The following PDZRN4 variants were observed in gnomAD, a reference collection of about 807,000 sequenced individuals.
PDZRN4 encodes the protein PDZ domain containing ring finger 4, also known as PDZ domain-containing RING finger protein 4.
A neutral mutation model predicts 99.0 loss-of-function variants in PDZRN4; 70 were observed. That is an observed-to-expected ratio of 0.71 (90% confidence interval 0.58 to 0.86). PDZRN4 has a LOEUF of 0.86. Ranked by LOEUF, PDZRN4 falls within the 40% of genes least tolerant of loss-of-function variation. The pLI is 0.00. For missense variants in PDZRN4, 1,474 were observed against 1,331.2 expected (o/e 1.11, Z -1.67); for synonymous variants, 551 against 501.6 (o/e 1.10, Z -1.32).
At chr12:41,405,770 A>G (rs1199506960) in intron 3 of PDZRN4, among the ~76,000 whole-genome samples, 1 of 152,204 alleles carries the variant, frequency 6.6e-6, no homozygotes, top group Non-Finnish European at 1.5e-5. Context: ...CACAGCCATA[A>G]AGAAGAATGA....
At chr12:41,447,782 G>C (rs1592062838) in intron 3 of PDZRN4, among the ~76,000 whole-genome samples, 2 of 151,962 alleles carry the variant, frequency 1.3e-5, no homozygotes, top group Non-Finnish European at 2.9e-5. Flanking sequence ...TAGAGTACAT[G>C]TTCATTTTAT....
intron 3 of PDZRN4, among the ~76,000 whole-genome samples, chr12:41,346,526 A>T (rs1185616763): frequency 6.6e-6 from 1 of 152,016 alleles, no homozygotes; most frequent in African/African-American, 2.4e-5. Context: ...TATGTTTTCA[A>T]ATTCTATAAT....
intron 3 of PDZRN4, among the ~76,000 whole-genome samples, chr12:41,202,661 G>A (rs915931402): frequency 2.6e-5 from 4 of 151,970 alleles, no homozygotes; most frequent in Non-Finnish European, 4.4e-5. Flanking sequence ...ACTCAGAGGT[G>A]ATACATTGTT....
chr12:41,212,497 T>C (rs945562505), intron 3 of PDZRN4, among the ~76,000 whole-genome samples: 6 of 152,166 alleles, frequency 3.9e-5, no homozygotes, highest in Non-Finnish European at 7.4e-5. Context: ...TGGAATTAAA[T>C]TGATAACTTC....
chr12:41,384,314 A>C (rs1242444163), intron 3 of PDZRN4, among the ~76,000 whole-genome samples: 5 of 152,170 alleles, frequency 3.3e-5, no homozygotes, highest in African/African-American at 1.2e-4. Flanking sequence ...CATGGTAGAC[A>C]TCTGTACCAC....
chr12:41,197,920 G>GTTTTTTTTTTTTTTTTTT lies in PDZRN4; in HGVS notation c.843+3743_843+3744insTTTTTTTTTTTTTTTTTT, dbSNP rs533696414. ...TTCTTCTTTTCCTTGTTTTTTCTGG[G>GTTTTTTTTTTTTTTTTTT]TTTTTTTTTTTGGAGACAGGATCTT... On this transcript the variant is annotated intron_variant, in intron 3 of 9. Transcript: ENST00000402685. Among the ~76,000 whole-genome samples, 26 of 115,610 alleles carry GTTTTTTTTTTTTTTTTTT rather than the reference G, an allele frequency of 2.2e-4. 3 individuals are homozygous for GTTTTTTTTTTTTTTTTTT. Among genetic ancestry groups the GTTTTTTTTTTTTTTTTTT allele is most frequent in the South Asian group, 6.0e-4 (2 of 3,332 alleles). The allele number at this position is 115,610 out of a possible 152,430, so 75.8% of individuals were successfully genotyped here.
Position 41,320,074 on chromosome 12 carries a change from C to T in PDZRN4, c.843+125886C>T, listed in dbSNP as rs372668110. ...CAGCCTCCCTGCTCAGCCTGTCTTACAGCTGCTGTCCCAGTACCTGCTGTT... is the reference window on the plus strand; with the variant it reads ...CAGCCTCCCTGCTCAGCCTGTCTTATAGCTGCTGTCCCAGTACCTGCTGTT... On this transcript the variant is annotated intron_variant, in intron 3 of 9. Coordinates refer to ENST00000402685, the MANE Select transcript of PDZRN4 (RefSeq NM_001164595.2). Among the ~76,000 whole-genome samples the T allele has an allele frequency of 1.6e-3, 248 of 152,366 alleles. 2 individuals are homozygous for T. Among genetic ancestry groups the T allele is most frequent in the African/African-American group, 5.7e-3 (236 of 41,584 alleles).
Position 41,564,778 on chromosome 12 carries a change from C to T in PDZRN4, c.1467+1129C>T, listed in dbSNP as rs142934418. ...CTATGTGGGAGTGAATTTTTAAATA[C>T]ATATGAAATTATACCAATTATCTGG... On this transcript the variant is annotated intron_variant, in intron 8 of 9. Transcript: ENST00000402685. Among the ~76,000 whole-genome samples the T allele has an allele frequency of 1.6e-3, 245 of 152,208 alleles. 8 individuals carry two copies. In the East Asian group the frequency reaches 0.04, roughly 25 times the overall value.
chr12:41,571,354 TCTCTCTCTCTCTCTCTCTCTCTCA>T (rs1282750872), intron 9 of PDZRN4, among the ~76,000 whole-genome samples: 78 of 93,462 alleles, frequency 8.3e-4, no homozygotes, highest in African/African-American at 3.8e-3. Flanking sequence ...TCTCTCTCTC[TCTCTCTCTCTCTCTCTCTCTCTCA>T]CACACACACA....
chr12:41,571,376 T>TCTCTCA lies in PDZRN4; in HGVS notation c.1585-987_1585-986insTCTCAC, dbSNP rs1303597271. ...CTCTCTCTCTCTCTCTCTCTCTCTC[T>TCTCTCA]CACACACACACACACACACACACAC... On this transcript the variant is annotated intron_variant, in intron 9 of 9. Transcript: ENST00000402685. Among the ~76,000 whole-genome samples, 196 of 65,576 alleles carry TCTCTCA rather than the reference T, an allele frequency of 3.0e-3. 2 individuals are homozygous for TCTCTCA. The highest frequency in any genetic ancestry group is 4.6e-3 in the Non-Finnish European group (139 of 29,916). 43.0% of individuals were successfully genotyped at this position (65,576 alleles called of 152,430 possible).
At chr12:41,352,810 A>G (rs1048675136) in intron 3 of PDZRN4, among the ~76,000 whole-genome samples, 2 of 152,142 alleles carry the variant, frequency 1.3e-5, no homozygotes, top group African/African-American at 4.8e-5. Flanking sequence ...GATACAAAGA[A>G]TTATAGCACA....
Position 41,518,383 on chromosome 12 carries a change from T to C in PDZRN4, c.1203+8470T>C, listed in dbSNP as rs1385731582. On this transcript the variant is annotated intron_variant, in intron 5 of 9. Coordinates refer to ENST00000402685, the MANE Select transcript of PDZRN4 (RefSeq NM_001164595.2). ...ATTTTGTGTGTGTTTTCCTCTTCTA[T>C]GTACACTGTATGAGTGCAATTTTGC... 8.5e-5 allele frequency among the ~76,000 whole-genome samples: 13 copies of C among 152,126 alleles called. No individual in the cohort carries two copies. The South Asian group carries it at 1.4e-3, about 17-fold the overall frequency.
intron 3 of PDZRN4, among the ~76,000 whole-genome samples, chr12:41,482,499 A>G (rs1171374750): frequency 6.6e-6 from 1 of 152,178 alleles, no homozygotes; most frequent in African/African-American, 2.4e-5. Flanking sequence ...ACAATCATTA[A>G]GTACTTAAAG....
At chr12:41,189,354 C>CG (rs1244471247) in intron 1 of PDZRN4, among the ~76,000 whole-genome samples, 1 of 152,098 alleles carries the variant, frequency 6.6e-6, no homozygotes, top group Non-Finnish European at 1.5e-5. Flanking sequence ...AACTTTCCCC[C>CG]GGGAAAGTAG....
At chr12:41,523,975 A>G (rs1413405001) in intron 5 of PDZRN4, among the ~76,000 whole-genome samples, 1 of 152,148 alleles carries the variant, frequency 6.6e-6, no homozygotes, top group Non-Finnish European at 1.5e-5. Context: ...TTATGAAATC[A>G]TCACCACAAC....
intron 3 of PDZRN4, among the ~76,000 whole-genome samples, chr12:41,435,703 G>A (rs1222338859): frequency 6.6e-6 from 1 of 152,042 alleles, no homozygotes; most frequent in African/African-American, 2.4e-5. Context: ...CAGAAGAATC[G>A]CTTGAACCTG....
At chr12:41,552,071 T>G (rs909529744) in intron 5 of PDZRN4, among the ~76,000 whole-genome samples, 4 of 152,198 alleles carry the variant, frequency 2.6e-5, no homozygotes, top group Non-Finnish European at 5.9e-5. Context: ...CCCTTCAGCC[T>G]GGATGAAACC....
chr12:41,317,243 TGTGGGGCTGTC>T (rs1488126859), intron 3 of PDZRN4, among the ~76,000 whole-genome samples: 2 of 39,610 alleles, frequency 5.0e-5, no homozygotes, highest in Non-Finnish European at 1.8e-4. Flanking sequence ...CTCACATGGT[TGTGGGGCTGTC>T]AAATTCAGTA....
intron 3 of PDZRN4, among the ~76,000 whole-genome samples, chr12:41,225,431 C>T (rs78848940): frequency 0.036 from 3,649 of 100,176 alleles, 112 homozygotes; most frequent in African/African-American, 0.095. Context: ...TTATATTACA[C>T]TGTGTTTTTT....
Sources: allele counts gnomAD v4.1 joint callset (sites outside exome capture counted in the v4.1 genomes callset), GRCh38; gene constraint gnomAD v4.1.1; transcripts MANE v1.5; gene names NCBI Gene and HGNC (gene_info 2026-07-23, HGNC 2026-07-21).